The following PARD3 variants were observed in gnomAD, a reference collection of about 807,000 sequenced individuals.
PARD3 encodes the protein par-3 family cell polarity regulator.
Under a neutral mutation model 155.4 loss-of-function variants are expected in PARD3, and 75 were observed. That is an observed-to-expected ratio of 0.48 (90% confidence interval 0.40 to 0.58). PARD3 has a LOEUF of 0.58. Ranked by LOEUF, PARD3 falls within the 20% of genes least tolerant of loss-of-function variation. The probability of loss-of-function intolerance (pLI) is 0.00; values close to 1 mark genes in which losing one functional copy is unlikely to be tolerated. For synonymous variants in PARD3, 576 were observed against 610.5 expected, an observed-to-expected ratio of 0.94 and a Z score of 0.83; for missense variants, 1,642 against 1,721.7, an observed-to-expected ratio of 0.95 and a Z score of 0.82.
chr10:34,324,345 C>T (rs990633549), intron 19 of PARD3, among the ~76,000 whole-genome samples: 15 of 152,126 alleles, frequency 9.9e-5, no homozygotes, highest in South Asian at 2.1e-4. Flanking sequence ...TAAAAAGTCT[C>T]GGATGCACTG....
intron 20 of PARD3, chr10:34,312,220 C>T: frequency 6.6e-7 from 1 of 1,524,828 alleles, no homozygotes; most frequent in Non-Finnish European, 8.9e-7. Context: ...AACCATCAAA[C>T]TGCTGATGTC....
intron 2 of PARD3, among the ~76,000 whole-genome samples, chr10:34,682,822 A>G (rs2093869863): frequency 6.6e-6 from 1 of 152,202 alleles, no homozygotes; most frequent in Non-Finnish European, 1.5e-5. Flanking sequence ...GGTTGCAGAG[A>G]TTGCATCACT....
rs534044792 is a variant in PARD3 at position 34,236,466 on chromosome 10, T to A, written c.3419+33191A>T. Among the ~76,000 whole-genome samples the A allele has an allele frequency of 2.0e-5, 3 of 152,286 alleles. No individual in the cohort carries two copies. In the South Asian group the frequency reaches 6.2e-4, roughly 32 times the overall value. On this transcript the variant is annotated intron_variant, in intron 22 of 24. Coordinates refer to ENST00000374788, the MANE Select transcript of PARD3 (RefSeq NM_001184785.2). The stretch of plus-strand genomic sequence containing the variant: ...AATACAGGACTAAAGATAACAACAT[T>A]TTCCGATAATGAGTATATGACAAAT...
At chr10:34,196,401 C>T (rs1206239535) in intron 22 of PARD3, among the ~76,000 whole-genome samples, 1 of 152,120 alleles carries the variant, frequency 6.6e-6, no homozygotes. Context: ...CCTTATATTG[C>T]ACTGGTTCTT....
At chr10:34,814,835 C>CCGCCGCCGCCCCCTCCCCGCCCG (rs1844708242) in intron 1 of PARD3, 41 bp downstream of exon 1, 1 of 1,213,152 alleles carries the variant, frequency 8.2e-7, no homozygotes, top group Non-Finnish European at 1.2e-6. Flanking sequence ...GGCGCCGTCC[C>CCGCCGCCGCCCCCTCCCCGCCCG]CGCCGCCGCC....
intron 4 of PARD3, 134 bp from the exon 5 acceptor site, chr10:34,450,582 G>T: frequency 1.2e-6 from 1 of 806,164 alleles, no homozygotes; most frequent in Non-Finnish European, 1.9e-6. Flanking sequence ...ATACAAAATA[G>T]CTGATTGAGG....
chr10:34,581,234 C>T lies in PARD3; in HGVS notation c.223-64075G>A, dbSNP rs373885553. Among the ~76,000 whole-genome samples the T allele has an allele frequency of 2.7e-3, 273 of 101,222 alleles. 2 individuals are homozygous for T. Among genetic ancestry groups the T allele is most frequent in the African/African-American group, 9.6e-3 (230 of 23,892 alleles). 66.4% of individuals were successfully genotyped at this position (101,222 alleles called of 152,430 possible). Reference sequence around the variant, plus strand: ...TTTTGGTTATTTTTCTTTTTCTTTTCTTTTTTTTTTTTTTTTTTGAGACGG... The same window carrying T: ...TTTTGGTTATTTTTCTTTTTCTTTTTTTTTTTTTTTTTTTTTTTGAGACGG... On this transcript the variant is annotated intron_variant, in intron 2 of 24. Coordinates refer to ENST00000374788, the MANE Select transcript of PARD3 (RefSeq NM_001184785.2).
intron 2 of PARD3, among the ~76,000 whole-genome samples, chr10:34,595,106 C>T (rs2089129672): frequency 6.6e-6 from 1 of 152,172 alleles, no homozygotes. Context: ...AGTTCAAGAA[C>T]ATGAATACTT....
intron 22 of PARD3, among the ~76,000 whole-genome samples, chr10:34,250,462 G>T (rs1336617559): frequency 6.6e-6 from 1 of 152,128 alleles, no homozygotes; most frequent in African/African-American, 2.4e-5. Flanking sequence ...ATCATACCTA[G>T]CTAATTAAAA....
At chr10:34,142,331 T>C (rs1004408867) in intron 22 of PARD3, among the ~76,000 whole-genome samples, 2 of 151,890 alleles carry the variant, frequency 1.3e-5, no homozygotes, top group Non-Finnish European at 2.9e-5. Context: ...TCGCTTTAGC[T>C]AGTAGTTTGA....
chr10:34,503,076 C>A (rs2133448840), intron 3 of PARD3, among the ~76,000 whole-genome samples: 1 of 152,282 alleles, frequency 6.6e-6, no homozygotes, highest in East Asian at 1.9e-4. Context: ...TGGCTATTAT[C>A]AAATATTAGT....
chr10:34,547,302 A>G (rs1353837358), intron 2 of PARD3, among the ~76,000 whole-genome samples: 1 of 152,234 alleles, frequency 6.6e-6, no homozygotes, highest in African/African-American at 2.4e-5. Context: ...AAAATAGAAC[A>G]CTGGGGTTTC....
At chr10:34,742,105 A>C (rs114753813) in intron 1 of PARD3, among the ~76,000 whole-genome samples, 5 of 152,300 alleles carry the variant, frequency 3.3e-5, no homozygotes, top group African/African-American at 1.2e-4. Context: ...GGGAGGATGA[A>C]AATTCACGTG....
At chr10:34,231,513 T>C (rs770391292) in intron 22 of PARD3, among the ~76,000 whole-genome samples, 5 of 152,024 alleles carry the variant, frequency 3.3e-5, no homozygotes, top group Non-Finnish European at 7.4e-5. Flanking sequence ...CTGACGCAAT[T>C]TCCACAGGGC....
At chr10:34,451,638 T>C (rs2077063239) in intron 4 of PARD3, among the ~76,000 whole-genome samples, 1 of 152,144 alleles carries the variant, frequency 6.6e-6, no homozygotes, top group Non-Finnish European at 1.5e-5. Flanking sequence ...TATTGGGACA[T>C]ATGTTCAAAC....
intron 22 of PARD3, among the ~76,000 whole-genome samples, chr10:34,262,949 T>C (rs550561043): frequency 3.9e-5 from 6 of 152,166 alleles, no homozygotes; most frequent in Non-Finnish European, 8.8e-5. Context: ...TAACTCCTAA[T>C]TTAAAGGGAA....
chr10:34,447,686 T>TCCCAGCTA (rs2076822468), intron 5 of PARD3, among the ~76,000 whole-genome samples: 1 of 150,308 alleles, frequency 6.7e-6, no homozygotes, highest in South Asian at 2.1e-4. Context: ...GCACCTGTAA[T>TCCCAGCTA]CCCAGCTACC....
chr10:34,628,094 AG>A (rs1319120709), intron 2 of PARD3, among the ~76,000 whole-genome samples: 1 of 152,228 alleles, frequency 6.6e-6, no homozygotes, highest in African/African-American at 2.4e-5. Flanking sequence ...CAATAAATGC[AG>A]GATGTTCACC....
rs758182131 is a variant in PARD3, at chr10:34,331,148, C to T, written c.2802G>A (p.Ala934=). 7 of 1,613,590 alleles carry T rather than the reference C, an allele frequency of 4.3e-6. No homozygotes were observed. Among genetic ancestry groups the T allele is most frequent in the East Asian group, 4.5e-5 (2 of 44,884 alleles). The change falls in exon 19 of 25, where the codon GCG becomes GCA. Residue 934 remains alanine, a synonymous_variant. Transcript: ENST00000374788. ...CCATGCCTTCATCATCATCATCTAC[C>T]GCGGGTTTATCATAAGATTTGTCGA... ...AAIDKSYDKP[A]VDDDDEGMET... is the part of the protein sequence containing the mutation.
Sources: gnomAD v4.1 joint callset for allele counts (sites outside exome capture counted in the v4.1 genomes callset) on GRCh38, gnomAD v4.1.1 for gene constraint, MANE v1.5 for transcripts, NCBI Gene and HGNC (gene_info 2026-07-23, HGNC 2026-07-21) for gene names.